GRAMD1B: variants seen among roughly 807,000 people sequenced by gnomAD.
GRAMD1B encodes protein Aster-B.
Under a neutral mutation model 99.7 loss-of-function variants are expected in GRAMD1B, and 37 were observed. The observed-to-expected ratio is 0.37, with a 90% confidence interval of 0.29 to 0.49. GRAMD1B has a LOEUF of 0.49. Among genes scored for constraint, GRAMD1B ranks in the 20% least tolerant of loss-of-function variants. The pLI, the probability that GRAMD1B is intolerant of heterozygous loss-of-function variation, is 0.98. For synonymous variants in GRAMD1B, 427 were observed against 387.6 expected (o/e 1.10, Z -1.19); for missense variants, 888 against 1,009.2 (o/e 0.88, Z 1.63).
At chr11:123,397,291 C>T (rs189177781) in intron 1 of GRAMD1B, among the ~76,000 whole-genome samples, 11 of 152,152 alleles carry the variant, frequency 7.2e-5, no homozygotes, top group Non-Finnish European at 1.2e-4. Flanking sequence ...ACCTGTAATC[C>T]CAGCTACTCG....
At chr11:123,555,155 A>G (rs1029447243) in intron 2 of GRAMD1B, among the ~76,000 whole-genome samples, 2 of 152,250 alleles carry the variant, frequency 1.3e-5, no homozygotes, top group East Asian at 3.8e-4. Flanking sequence ...GCACAGCTCC[A>G]GCATCACAAG....
intron 1 of GRAMD1B, among the ~76,000 whole-genome samples, chr11:123,379,575 A>G (rs1285778732): frequency 1.3e-5 from 2 of 152,152 alleles, no homozygotes; most frequent in Non-Finnish European, 2.9e-5. Context: ...TATTTATCCA[A>G]CCATCGGCTC....
chr11:123,489,685 A>G (rs1193712517), intron 2 of GRAMD1B, among the ~76,000 whole-genome samples: 1 of 152,194 alleles, frequency 6.6e-6, no homozygotes, highest in Admixed American at 6.5e-5. Flanking sequence ...TTCATTCTAG[A>G]AGTCTGCCTG....
At chr11:123,455,084 C>T (rs1166028594) in intron 1 of GRAMD1B, among the ~76,000 whole-genome samples, 1 of 152,064 alleles carries the variant, frequency 6.6e-6, no homozygotes, top group Non-Finnish European at 1.5e-5. Flanking sequence ...TGAATATGTA[C>T]TTCATGTAAG....
intron 2 of GRAMD1B, among the ~76,000 whole-genome samples, chr11:123,558,929 A>G (rs1285359561): frequency 6.6e-6 from 1 of 152,248 alleles, no homozygotes; most frequent in East Asian, 1.9e-4. Flanking sequence ...ACAGATGCCC[A>G]AGAAATATTA....
chr11:123,535,216 T>C (rs988301104), intron 2 of GRAMD1B, among the ~76,000 whole-genome samples: 4 of 149,552 alleles, frequency 2.7e-5, no homozygotes, highest in Non-Finnish European at 5.9e-5. Flanking sequence ...ATTACAATCA[T>C]GATGCTTCTG....
At chr11:123,572,709 G>C (rs911062887) in intron 2 of GRAMD1B, among the ~76,000 whole-genome samples, 20 of 152,212 alleles carry the variant, frequency 1.3e-4, no homozygotes, top group African/African-American at 4.6e-4. Context: ...GCTGAGACAT[G>C]GAAGAGTGAG....
At position 123,453,247 on chromosome 11, in the gene GRAMD1B, C is replaced by G. The variant is rs186029605; in HGVS notation, c.374+22081C>G. 4.4e-4 allele frequency among the ~76,000 whole-genome samples: 67 copies of G among 151,834 alleles called. 1 individual carries two copies. The highest frequency in any genetic ancestry group is 4.4e-3 in the Admixed American group (67 of 15,226). ...ATACATGCAGAAACATAAACGTTTT[C>G]TAATAAATATATGTATATATCTAAT... is the stretch of plus-strand genomic sequence containing the variant. On this transcript the variant is annotated intron_variant, in intron 1 of 19. Transcript: ENST00000635736.
intron 1 of GRAMD1B, among the ~76,000 whole-genome samples, chr11:123,407,275 T>TG (rs937342815): frequency 6.6e-6 from 1 of 151,544 alleles, no homozygotes; most frequent in Non-Finnish European, 1.5e-5. Context: ...TGAATTTTTT[T>TG]TTTTTCCCGG....
At chr11:123,517,143 C>T (rs992558416) in intron 2 of GRAMD1B, among the ~76,000 whole-genome samples, 5 of 152,210 alleles carry the variant, frequency 3.3e-5, no homozygotes, top group Admixed American at 3.3e-4. Flanking sequence ...TGGTTTCAAA[C>T]TCCTGACCTC....
chr11:123,360,865 G>T (rs1354185387), intron 1 of GRAMD1B, among the ~76,000 whole-genome samples: 52 of 140,800 alleles, frequency 3.7e-4, no homozygotes, highest in Non-Finnish European at 7.5e-5. Flanking sequence ...TGTGCAGACT[G>T]GAGTGCAGTG....
intron 1 of GRAMD1B, among the ~76,000 whole-genome samples, chr11:123,389,949 G>T (rs1947213518): frequency 6.6e-6 from 1 of 152,012 alleles, no homozygotes; most frequent in African/African-American, 2.4e-5. Flanking sequence ...TAGAGACAGG[G>T]TTTCACCATG....
chr11:123,485,887 G>C (rs143473479), intron 2 of GRAMD1B, among the ~76,000 whole-genome samples: 79 of 152,014 alleles, frequency 5.2e-4, no homozygotes, highest in Middle Eastern at 3.4e-3. Flanking sequence ...GCTAACTTTT[G>C]TATTTTTTGG....
At chr11:123,371,793 G>T (rs986815471) in intron 1 of GRAMD1B, among the ~76,000 whole-genome samples, 3 of 152,176 alleles carry the variant, frequency 2.0e-5, no homozygotes, top group Admixed American at 1.3e-4. Context: ...TGTCTTGCTA[G>T]AGTTCTCCAT....
chr11:123,396,932 A>G (rs920175964), intron 1 of GRAMD1B, among the ~76,000 whole-genome samples: 2 of 152,176 alleles, frequency 1.3e-5, no homozygotes, highest in Non-Finnish European at 2.9e-5. Context: ...ATTCATACCA[A>G]TCCAGCAAGC....
In GRAMD1B at chr11:123,538,015, T is replaced by G. The variant is rs578244831; in HGVS notation, c.453-39352T>G. 5.9e-5 allele frequency among the ~76,000 whole-genome samples: 9 copies of G among 152,340 alleles called. No homozygotes were observed. In the South Asian group the frequency reaches 1.9e-3, roughly 32 times the overall value. On this transcript the variant is annotated intron_variant, in intron 2 of 19. Coordinates refer to ENST00000635736, the MANE Select transcript of GRAMD1B (RefSeq NM_001387025.1). ...ATAATATAATTCATAGTTGTCATCA[T>G]TAGTCACAAGGTACCCTTAGCCACA...
chr11:123,387,506 G>T (rs902978901), intron 1 of GRAMD1B, among the ~76,000 whole-genome samples: 5 of 152,120 alleles, frequency 3.3e-5, no homozygotes, highest in African/African-American at 1.2e-4. Flanking sequence ...ATTGCAGGGA[G>T]AGTGGGCTCT....
chr11:123,596,116 C>T (rs1393741351), intron 7 of GRAMD1B, 79 bp downstream of exon 7: 2 of 785,714 alleles, frequency 2.5e-6, no homozygotes, highest in Non-Finnish European at 4.2e-6. Flanking sequence ...TCTTGAATCG[C>T]ATGAATGTGG....
chr11:123,589,614 T>TTTTATATATA (rs762751523), intron 4 of GRAMD1B, among the ~76,000 whole-genome samples: 19 of 128,274 alleles, frequency 1.5e-4, no homozygotes, highest in African/African-American at 6.7e-4. Flanking sequence ...TGGCTAATTT[T>TTTTATATATA]TATATATATA....
Sources: allele counts gnomAD v4.1 joint callset (sites outside exome capture counted in the v4.1 genomes callset), GRCh38; gene constraint gnomAD v4.1.1; transcripts MANE v1.5; gene names NCBI Gene and HGNC (gene_info 2026-07-23, HGNC 2026-07-21).